Variants in MMD observed in about 807,000 individuals in gnomAD.
The protein encoded by MMD is monocyte to macrophage differentiation factor.
In MMD, 22 loss-of-function variants were observed where a neutral mutation model predicts 33.6. The observed-to-expected ratio is 0.66, with a 90% CI of 0.47 to 0.94. The LOEUF is 0.94. Among genes scored for constraint, MMD ranks in the 40% least tolerant of loss-of-function variants. MMD has a pLI of 0.00. For synonymous variants in MMD, 97 were observed against 103.2 expected, an observed-to-expected ratio of 0.94 and a Z score of 0.36; for missense variants, 242 against 309.8, an observed-to-expected ratio of 0.78 and a Z score of 1.64.
At chr17:55,414,368 C>A in intron 1 of MMD, 136 bp from the exon 2 acceptor site, 1 of 757,180 alleles carries the variant, frequency 1.3e-6, no homozygotes, top group Non-Finnish European at 2.3e-6. Flanking sequence ...GTAATAAAGC[C>A]AAAGCCACTA....
intron 4 of MMD, among the ~76,000 whole-genome samples, chr17:55,404,999 T>C (rs1407382721): frequency 6.6e-6 from 1 of 151,266 alleles, no homozygotes; most frequent in Non-Finnish European, 1.5e-5. Context: ...GAGGTAGAGG[T>C]TGCAGTGAGC....
intron 6 of MMD, among the ~76,000 whole-genome samples, chr17:55,400,459 G>C (rs1223618870): frequency 6.6e-6 from 1 of 151,178 alleles, no homozygotes; most frequent in Non-Finnish European, 1.5e-5. Flanking sequence ...TGAGGTGGGA[G>C]AATCACTTGA....
intron 3 of MMD, 127 bp downstream of exon 3, chr17:55,411,130 C>T (rs1907743770): frequency 9.4e-7 from 1 of 1,061,082 alleles, no homozygotes; most frequent in Admixed American, 2.7e-5. Context: ...GGATAGTATT[C>T]TAGTCTACAA....
At chr17:55,421,493 A>T (rs555760019) in intron 1 of MMD, among the ~76,000 whole-genome samples, 177 bp downstream of exon 1, 9 of 152,300 alleles carry the variant, frequency 5.9e-5, no homozygotes, top group Non-Finnish European at 1.2e-4. Flanking sequence ...TCCTTGGAGG[A>T]AGGGGATCGC....
At chr17:55,411,187 G>C in intron 3 of MMD, 70 bp downstream of exon 3, 1 of 1,520,178 alleles carries the variant, frequency 6.6e-7, no homozygotes, top group Non-Finnish European at 8.9e-7. Flanking sequence ...AAGCATGCCA[G>C]CTTGGAAGGG....
intron 2 of MMD, among the ~76,000 whole-genome samples, 183 bp downstream of exon 2, chr17:55,413,968 C>T (rs1433410386): frequency 6.6e-6 from 1 of 152,178 alleles, no homozygotes; most frequent in Non-Finnish European, 1.5e-5. Context: ...TAGGTTAGAA[C>T]ACACAAAGCA....
chr17:55,404,843 C>T, intron 4 of MMD: 1 of 780,504 alleles, frequency 1.3e-6, no homozygotes. Context: ...AGGCAGATCA[C>T]TTCAGGTCAG....
chr17:55,417,339 TGTG>T (rs1185055392), intron 1 of MMD, among the ~76,000 whole-genome samples: 1 of 152,110 alleles, frequency 6.6e-6, no homozygotes, highest in African/African-American at 2.4e-5. Context: ...ATTAGCCTGG[TGTG>T]GTGGTGTGCA....
intron 2 of MMD, among the ~76,000 whole-genome samples, chr17:55,413,384 G>A (rs1907837235): frequency 6.6e-6 from 1 of 151,950 alleles, no homozygotes; most frequent in Non-Finnish European, 1.5e-5. Flanking sequence ...AATGACATAA[G>A]AAATGCCATT....
At chr17:55,418,791 T>G (rs1908066701) in intron 1 of MMD, among the ~76,000 whole-genome samples, 1 of 152,254 alleles carries the variant, frequency 6.6e-6, no homozygotes, top group Non-Finnish European at 1.5e-5. Context: ...AGACTTCTAA[T>G]ACTGTAGATT....
In MMD at chr17:55,420,862, C is replaced by G. The variant is rs905412222; in HGVS notation, c.26+808G>C. ...CTCCATCCATTGTTAGACGGTGGAGCCCCAGAGGGGAGTAAGGCCACGGCG... is the reference window on the plus strand; with the variant it reads ...CTCCATCCATTGTTAGACGGTGGAGGCCCAGAGGGGAGTAAGGCCACGGCG... On this transcript the variant is annotated intron_variant, in intron 1 of 6. Transcript: ENST00000262065. Among the ~76,000 whole-genome samples, 5 of 152,252 alleles carry G rather than the reference C, an allele frequency of 3.3e-5. No individual in the cohort carries two copies. In the East Asian group the frequency reaches 9.7e-4, roughly 29 times the overall value.
chr17:55,421,397 G>A (rs981938813), intron 1 of MMD, among the ~76,000 whole-genome samples: 1 of 152,202 alleles, frequency 6.6e-6, no homozygotes. Context: ...CCCCGGGAAG[G>A]AGGACAGGCT....
chr17:55,404,368 A>G (rs556198163), intron 4 of MMD: 2 of 766,540 alleles, frequency 2.6e-6, no homozygotes, highest in East Asian at 2.6e-4. Context: ...AAAAAAAAGA[A>G]TTAGTTTCAA....
chr17:55,414,170 G>A lies in MMD; in HGVS notation c.89C>T (p.Ala30Val). 1 of 1,613,928 alleles carries A rather than the reference G, an allele frequency of 6.2e-7. No homozygotes were observed. The highest frequency in any genetic ancestry group is 8.5e-7 in the Non-Finnish European group (1 of 1,179,822). Residue 30 changes from alanine to valine, a missense_variant, in exon 2 of 7, where the codon GCT (alanine) becomes GTT (valine). Transcript: ENST00000262065. ...ACTCACTGCGTGTGTGTAACAGTTA[G>A]CAGCATGTTCATAGCAAGTTGGCTT... The part of the protein sequence containing the change: ...RYKPTCYEHA[A>V]NCYTHAFLIV...
At chr17:55,412,668 C>T (rs1907807801) in intron 2 of MMD, among the ~76,000 whole-genome samples, 1 of 152,158 alleles carries the variant, frequency 6.6e-6, no homozygotes, top group Admixed American at 6.5e-5. Context: ...ATGAGACTGG[C>T]ATGAGTTTTT....
At chr17:55,420,826 C>G (rs765235343) in intron 1 of MMD, among the ~76,000 whole-genome samples, 4 of 152,202 alleles carry the variant, frequency 2.6e-5, no homozygotes, top group Non-Finnish European at 5.9e-5. Flanking sequence ...CTCTCAGAGT[C>G]ATGGGCTAAC....
rs1202286333 is a variant in MMD, at chr17:55,411,337, C to G, written c.189G>C (p.Trp63Cys). Reference protein sequence around the residue: ...SDDCWEKITAWIYGMGLCALF... With the variant: ...SDDCWEKITACIYGMGLCALF... ...GGGCACAGAGTCCCATTCCATAAAT[C>G]CATGCTGTTATCTTTTCCCAGCAGT... The change falls in exon 3 of 7, where the codon TGG (tryptophan) becomes TGC (cysteine). Residue 63 changes from tryptophan to cysteine, a missense_variant. Transcript: ENST00000262065. The G allele has an allele frequency of 6.2e-7, 1 of 1,614,090 alleles. No individual in the cohort carries two copies.
intron 6 of MMD, among the ~76,000 whole-genome samples, chr17:55,397,308 C>T (rs1298956898): frequency 2.6e-5 from 4 of 151,750 alleles, no homozygotes; most frequent in Non-Finnish European, 5.9e-5. Flanking sequence ...ACTACAGGTG[C>T]CCACCACCAC....
rs1024382534 is a variant in MMD at position 55,407,637 on chromosome 17, G to A, written c.344+109C>T. On this transcript the variant is annotated intron_variant, in intron 4 of 6. Transcript: ENST00000262065. The stretch of plus-strand genomic sequence containing the variant: ...TATGTGTTCAGGAGGAGGGAAGGTG[G>A]TGTACACATGAGGGCTGAGGGTGGG... 8.9e-6 allele frequency: 8 copies of A among 900,396 alleles called. No homozygotes were observed. The Admixed American group carries it at 1.9e-4, about 21-fold the overall frequency. The allele number at this position is 900,396 out of a possible 1,614,324, so 55.8% of individuals were successfully genotyped here.
Sources: gnomAD v4.1 joint callset for allele counts (sites outside exome capture counted in the v4.1 genomes callset) on GRCh38, gnomAD v4.1.1 for gene constraint, MANE v1.5 for transcripts, NCBI Gene and HGNC (gene_info 2026-07-23, HGNC 2026-07-21) for gene names.